The following AGFG1 variants were observed in gnomAD, a reference collection of about 807,000 sequenced individuals.
AGFG1 encodes the protein ArfGAP with FG repeats 1.
In AGFG1, 10 loss-of-function variants were observed where a neutral mutation model predicts 60.6. The observed-to-expected ratio is 0.16, with a 90% confidence interval of 0.10 to 0.28. The LOEUF (loss-of-function observed/expected upper bound fraction) is 0.28. Among genes scored for constraint, AGFG1 ranks in the 10% least tolerant of loss-of-function variants. The pLI is 1.00. For missense variants in AGFG1, 537 were observed against 676.5 expected (o/e 0.79, Z 2.29); for synonymous variants, 247 against 242.9 (o/e 1.02, Z -0.16).
At chr2:227,484,432 C>A (rs1050030217) in intron 1 of AGFG1, among the ~76,000 whole-genome samples, 1 of 152,050 alleles carries the variant, frequency 6.6e-6, no homozygotes, top group South Asian at 2.1e-4. Flanking sequence ...AGTGATCCAC[C>A]CGCCTGCTGG....
intron 10 of AGFG1, among the ~76,000 whole-genome samples, chr2:227,540,151 G>A (rs1006547451): frequency 1.3e-5 from 2 of 150,166 alleles, no homozygotes; most frequent in Non-Finnish European, 3.0e-5. Context: ...TTAAAATGAT[G>A]TTTAAATAAT....
At chr2:227,523,423 A>G (rs1242708572) in intron 3 of AGFG1, among the ~76,000 whole-genome samples, 2 of 152,214 alleles carry the variant, frequency 1.3e-5, no homozygotes, top group African/African-American at 2.4e-5. Flanking sequence ...AAATTATAGT[A>G]TGAACTATTC....
chr2:227,491,912 T>C (rs1040442772), intron 2 of AGFG1, among the ~76,000 whole-genome samples: 1 of 152,208 alleles, frequency 6.6e-6, no homozygotes, highest in African/African-American at 2.4e-5. Flanking sequence ...GGACACCCAT[T>C]ATTACAGTTA....
chr2:227,473,540 C>G (rs146866734), intron 1 of AGFG1, among the ~76,000 whole-genome samples: 4 of 152,240 alleles, frequency 2.6e-5, no homozygotes, highest in African/African-American at 9.6e-5. Context: ...GTTTGTTGTT[C>G]TTTGCTTCAT....
chr2:227,553,682 T>G, intron 11 of AGFG1, 22 bp from the exon 12 acceptor site: 1 of 1,596,200 alleles, frequency 6.3e-7, no homozygotes, highest in African/African-American at 1.3e-5. Flanking sequence ...TGGGTTATAA[T>G]TGGTGGTTCT....
At chr2:227,503,834 A>G (rs1346879203) in intron 2 of AGFG1, among the ~76,000 whole-genome samples, 1 of 152,202 alleles carries the variant, frequency 6.6e-6, no homozygotes, top group Non-Finnish European at 1.5e-5. Context: ...ACATAAAGTT[A>G]TTCATAATAG....
Position 227,552,573 on chromosome 2 carries a change from CAAG to C in AGFG1, c.1537+461_1537+463del, listed in dbSNP as rs537149237. 2.0e-4 allele frequency among the ~76,000 whole-genome samples: 31 copies of C among 151,670 alleles called. No individual in the cohort carries two copies. In the South Asian group the frequency reaches 5.0e-3, roughly 24 times the overall value. Reference sequence around the variant, plus strand: ...TTTGTTATTTGATTTTAGAAAGAGACAAGAAGATTAACTCGACATTTTTACGTA... The same window carrying C: ...TTTGTTATTTGATTTTAGAAAGAGACAAGATTAACTCGACATTTTTACGTA... On this transcript the variant is annotated intron_variant, in intron 11 of 12. Transcript: ENST00000310078.
intron 2 of AGFG1, among the ~76,000 whole-genome samples, chr2:227,512,615 T>C (rs78006340): frequency 0.054 from 8,244 of 152,266 alleles, 292 homozygotes; most frequent in African/African-American, 0.09. Flanking sequence ...GGTAATAGAA[T>C]TTTGTATAGG....
intron 2 of AGFG1, among the ~76,000 whole-genome samples, chr2:227,496,214 A>T (rs1334767951): frequency 6.6e-6 from 1 of 152,096 alleles, no homozygotes; most frequent in African/African-American, 2.4e-5. Context: ...GTATTTGATT[A>T]TCTCTATACT....
At chr2:227,509,632 G>A (rs1329969235) in intron 2 of AGFG1, among the ~76,000 whole-genome samples, 1 of 152,072 alleles carries the variant, frequency 6.6e-6, no homozygotes, top group African/African-American at 2.4e-5. Flanking sequence ...GAATGATAAA[G>A]CAAATGTTAC....
intron 10 of AGFG1, among the ~76,000 whole-genome samples, 169 bp from the exon 11 acceptor site, chr2:227,551,790 T>C (rs928934206): frequency 6.6e-6 from 1 of 152,256 alleles, no homozygotes; most frequent in African/African-American, 2.4e-5. Flanking sequence ...TACGTTAAAC[T>C]GTGTAGCACT....
At chr2:227,551,930 G>A (rs767797215) in intron 10 of AGFG1, 29 bp from the exon 11 acceptor site, 1 of 1,610,912 alleles carries the variant, frequency 6.2e-7, no homozygotes, top group Non-Finnish European at 8.5e-7. Context: ...CCTGTTGTAT[G>A]TAACTGATCA....
intron 3 of AGFG1, among the ~76,000 whole-genome samples, chr2:227,523,208 T>A (rs1371335180): frequency 6.6e-6 from 1 of 152,224 alleles, no homozygotes; most frequent in Non-Finnish European, 1.5e-5. Flanking sequence ...AAAACCTTAA[T>A]TTGCATTTTT....
intron 1 of AGFG1, 55 bp from the exon 2 acceptor site, chr2:227,491,492 C>A: frequency 4.4e-6 from 5 of 1,130,852 alleles, no homozygotes; most frequent in South Asian, 3.3e-5. Context: ...CTAGATGTGT[C>A]ATTTTAAAAA....
intron 5 of AGFG1, among the ~76,000 whole-genome samples, chr2:227,526,191 C>T (rs550272181): frequency 6.6e-6 from 1 of 152,050 alleles, no homozygotes; most frequent in Non-Finnish European, 1.5e-5. Flanking sequence ...CCTATAGATA[C>T]AACTCATTCA....
chr2:227,553,254 T>G (rs1366429276), intron 11 of AGFG1, among the ~76,000 whole-genome samples: 2 of 152,118 alleles, frequency 1.3e-5, no homozygotes, highest in Non-Finnish European at 2.9e-5. Flanking sequence ...TCCCAGCCCT[T>G]TGGGAGGCCA....
At chr2:227,483,361 A>G (rs1382840529) in intron 1 of AGFG1, among the ~76,000 whole-genome samples, 1 of 152,130 alleles carries the variant, frequency 6.6e-6, no homozygotes, top group Non-Finnish European at 1.5e-5. Flanking sequence ...CAGTTTTTTT[A>G]TTTCTTGACA....
intron 2 of AGFG1, among the ~76,000 whole-genome samples, chr2:227,493,663 C>A (rs968741088): frequency 2.6e-5 from 4 of 152,130 alleles, no homozygotes; most frequent in African/African-American, 9.7e-5. Flanking sequence ...AGTTGATAGA[C>A]CACTCAAAGC....
At chr2:227,545,131 G>A (rs538642260) in intron 10 of AGFG1, among the ~76,000 whole-genome samples, 47 of 152,214 alleles carry the variant, frequency 3.1e-4, no homozygotes, top group Non-Finnish European at 4.3e-4. Context: ...ACATAGTCCC[G>A]TAGTTCTTGG....
Sources: allele counts gnomAD v4.1 joint callset (sites outside exome capture counted in the v4.1 genomes callset), GRCh38; gene constraint gnomAD v4.1.1; transcripts MANE v1.5; gene names NCBI Gene and HGNC (gene_info 2026-07-23, HGNC 2026-07-21).